Variants in MDGA2 observed in about 807,000 individuals in gnomAD.
The protein encoded by MDGA2 is MAM domain containing glycosylphosphatidylinositol anchor 2, also known as MAM domain-containing glycosylphosphatidylinositol anchor protein 2.
In MDGA2, 40 loss-of-function variants were observed where a neutral mutation model predicts 117.8. The ratio of observed to expected loss-of-function variants is 0.34; its 90% CI spans 0.26 to 0.44. MDGA2 has a LOEUF of 0.44. MDGA2 is among the 20% of genes least tolerant of loss of function. The probability of loss-of-function intolerance (pLI) is 1.00; values close to 1 mark genes in which losing one functional copy is unlikely to be tolerated. For synonymous variants in MDGA2, 452 were observed against 439.0 expected (o/e 1.03, Z -0.37); for missense variants, 1,123 against 1,250.6 (o/e 0.90, Z 1.54).
intron 7 of MDGA2, among the ~76,000 whole-genome samples, chr14:47,049,671 T>C (rs952884377): frequency 6.6e-6 from 1 of 152,024 alleles, no homozygotes; most frequent in African/African-American, 2.4e-5. Flanking sequence ...CAAGATTGAT[T>C]GAATTCATGG....
Position 47,376,731 on chromosome 14 carries a change from C to T in MDGA2, c.281-75181G>A, listed in dbSNP as rs570009824. 1.6e-4 allele frequency among the ~76,000 whole-genome samples: 25 copies of T among 152,126 alleles called. No homozygotes were observed. The South Asian group carries it at 5.2e-3, about 32-fold the overall frequency. On this transcript the variant is annotated intron_variant, in intron 1 of 16. Coordinates refer to ENST00000399232, the MANE Select transcript of MDGA2 (RefSeq NM_001113498.3). ...TAGGTATCATGCCATTTCAGCAAAA[C>T]AATGTAATTAGTTACATTGCAAAAG...
intron 10 of MDGA2, among the ~76,000 whole-genome samples, chr14:46,901,043 G>C (rs1883264361): frequency 6.6e-6 from 1 of 151,920 alleles, no homozygotes; most frequent in Admixed American, 6.6e-5. Flanking sequence ...ACTGCTTATT[G>C]AAAAGGCTTT....
intron 10 of MDGA2, among the ~76,000 whole-genome samples, chr14:46,918,814 T>C (rs117291207): frequency 2.7e-5 from 4 of 146,144 alleles, no homozygotes; most frequent in Non-Finnish European, 1.5e-5. Context: ...AGAGCTGGAG[T>C]GCAGTGGCGC....
intron 1 of MDGA2, among the ~76,000 whole-genome samples, chr14:47,443,681 A>G (rs886324890): frequency 1.3e-5 from 2 of 152,142 alleles, no homozygotes; most frequent in Non-Finnish European, 2.9e-5. Context: ...AATTCCTGTA[A>G]TATTTCAAAT....
intron 1 of MDGA2, among the ~76,000 whole-genome samples, chr14:47,342,163 A>G (rs958048543): frequency 5.3e-5 from 8 of 151,620 alleles, no homozygotes; most frequent in Non-Finnish European, 1.0e-4. Flanking sequence ...GCTTATTTCC[A>G]TTCATAAGCT....
At chr14:47,568,029 C>T (rs1351632300) in intron 1 of MDGA2, among the ~76,000 whole-genome samples, 1 of 152,030 alleles carries the variant, frequency 6.6e-6, no homozygotes, top group Non-Finnish European at 1.5e-5. Context: ...CCACTAAATC[C>T]CATTTTCCTT....
chr14:47,176,532 G>C (rs898827774), intron 3 of MDGA2, among the ~76,000 whole-genome samples: 9 of 152,074 alleles, frequency 5.9e-5, no homozygotes, highest in South Asian at 2.1e-4. Flanking sequence ...ACAAACCTGA[G>C]AAAAACAAGC....
At chr14:47,491,277 G>T (rs1308853040) in intron 1 of MDGA2, among the ~76,000 whole-genome samples, 1 of 151,960 alleles carries the variant, frequency 6.6e-6, no homozygotes, top group East Asian at 1.9e-4. Context: ...AGCACAACTG[G>T]CCCTAAAACC....
chr14:47,574,589 C>A (rs1462572993), intron 1 of MDGA2, among the ~76,000 whole-genome samples: 1 of 152,078 alleles, frequency 6.6e-6, no homozygotes, highest in Non-Finnish European at 1.5e-5. Flanking sequence ...TGATTTCTGC[C>A]TTTAAAATGA....
At chr14:47,642,599 C>T (rs1272843297) in intron 1 of MDGA2, among the ~76,000 whole-genome samples, 1 of 152,004 alleles carries the variant, frequency 6.6e-6, no homozygotes, top group East Asian at 1.9e-4. Context: ...GTTCCTAAAT[C>T]CATATTATAT....
intron 1 of MDGA2, among the ~76,000 whole-genome samples, chr14:47,640,282 G>C (rs1897400171): frequency 6.6e-6 from 1 of 152,068 alleles, no homozygotes; most frequent in Admixed American, 6.6e-5. Flanking sequence ...TTCAACTTCT[G>C]AAGGTTTTTT....
chr14:47,639,840 T>C (rs1237580421), intron 1 of MDGA2, among the ~76,000 whole-genome samples: 1 of 152,114 alleles, frequency 6.6e-6, no homozygotes, highest in Non-Finnish European at 1.5e-5. Flanking sequence ...GCCTGGACAA[T>C]CTCAAATATC....
At chr14:47,403,502 T>C (rs1294264426) in intron 1 of MDGA2, among the ~76,000 whole-genome samples, 1 of 152,140 alleles carries the variant, frequency 6.6e-6, no homozygotes, top group African/African-American at 2.4e-5. Flanking sequence ...GATCACTAGG[T>C]GCTGTCCGTT....
At chr14:47,379,457 C>T (rs937547409) in intron 1 of MDGA2, among the ~76,000 whole-genome samples, 31 of 152,064 alleles carry the variant, frequency 2.0e-4, no homozygotes, top group Non-Finnish European at 3.1e-4. Flanking sequence ...CATCAGTGTG[C>T]GGTATTTAGG....
At chr14:47,213,935 G>A (rs560913207) in intron 3 of MDGA2, among the ~76,000 whole-genome samples, 5 of 152,092 alleles carry the variant, frequency 3.3e-5, no homozygotes, top group Non-Finnish European at 7.4e-5. Flanking sequence ...CAAGTCGGCC[G>A]TGCTGAGCAC....
chr14:47,263,093 T>TTGCC (rs1255004097), intron 2 of MDGA2, among the ~76,000 whole-genome samples: 1 of 152,078 alleles, frequency 6.6e-6, no homozygotes, highest in Non-Finnish European at 1.5e-5. Flanking sequence ...ATTCTTGCCT[T>TTGCC]TGCCTGCCTG....
chr14:47,503,505 A>T (rs1894445012), intron 1 of MDGA2, among the ~76,000 whole-genome samples: 1 of 144,286 alleles, frequency 6.9e-6, no homozygotes, highest in Non-Finnish European at 1.5e-5. Flanking sequence ...TCCTGGGTTC[A>T]CGCCATTCTC....
chr14:47,106,493 C>G (rs532793360), intron 5 of MDGA2, among the ~76,000 whole-genome samples: 1 of 151,868 alleles, frequency 6.6e-6, no homozygotes, highest in Non-Finnish European at 1.5e-5. Context: ...AAGGAATGCC[C>G]GCAGCCTGGG....
chr14:47,252,666 A>G (rs536314762), intron 2 of MDGA2, among the ~76,000 whole-genome samples: 2 of 152,216 alleles, frequency 1.3e-5, no homozygotes, highest in Non-Finnish European at 2.9e-5. Flanking sequence ...TAACAACCTG[A>G]ATTCAAAGCT....
Sources: gnomAD v4.1 joint callset for allele counts (sites outside exome capture counted in the v4.1 genomes callset) on GRCh38, gnomAD v4.1.1 for gene constraint, MANE v1.5 for transcripts, NCBI Gene and HGNC (gene_info 2026-07-23, HGNC 2026-07-21) for gene names.